The following IGF2R variants were observed in gnomAD, a reference collection of about 807,000 sequenced individuals.
The protein encoded by IGF2R is insulin like growth factor 2 receptor, also known as cation-independent mannose-6-phosphate receptor.
IGF2R carries 91 observed loss-of-function variants against 270.6 expected under a neutral mutation model. The ratio of observed to expected loss-of-function variants is 0.34; its 90% CI spans 0.28 to 0.40. The LOEUF (loss-of-function observed/expected upper bound fraction) is 0.40. IGF2R is among the 10% of genes least tolerant of loss of function. The pLI is 1.00. For synonymous variants in IGF2R, 1,316 were observed against 1,258.9 expected (o/e 1.05, Z -0.96); for missense variants, 2,805 against 3,188.3 (o/e 0.88, Z 2.90).
intron 36 of IGF2R, 105 bp downstream of exon 36, chr6:160,076,101 A>C: frequency 8.8e-7 from 1 of 1,139,030 alleles, no homozygotes; most frequent in Non-Finnish European, 1.3e-6. Flanking sequence ...CTTATTCAAA[A>C]TGTCTGCCTT....
chr6:160,041,114 C>T lies in IGF2R; in HGVS notation c.1480+390C>T, dbSNP rs73596468. Among the ~76,000 whole-genome samples the T allele has an allele frequency of 2.9e-3, 444 of 152,222 alleles. 1 individual carries two copies. In the Middle Eastern group the frequency reaches 0.044, roughly 15 times the overall value. ...ACTCGAGGCTGAGCTTGCTGTTGCACGGCAGGCACCGGATGAGGTGCCAAG... is the reference window on the plus strand; with the variant it reads ...ACTCGAGGCTGAGCTTGCTGTTGCATGGCAGGCACCGGATGAGGTGCCAAG... On this transcript the variant is annotated intron_variant, in intron 11 of 47. Transcript: ENST00000356956.
chr6:159,988,175 A>G (rs1238411169), intron 1 of IGF2R, among the ~76,000 whole-genome samples: 1 of 152,112 alleles, frequency 6.6e-6, no homozygotes, highest in Non-Finnish European at 1.5e-5. Flanking sequence ...CACACTCTTT[A>G]CCTTATTTAG....
intron 2 of IGF2R, among the ~76,000 whole-genome samples, chr6:160,000,630 G>A (rs1044305069): frequency 1.3e-5 from 2 of 152,034 alleles, no homozygotes; most frequent in African/African-American, 4.8e-5. Flanking sequence ...ATAGAGTGCT[G>A]GCAAGGAGCC....
intron 4 of IGF2R, among the ~76,000 whole-genome samples, chr6:160,021,665 A>C (rs1413339178): frequency 2.0e-5 from 3 of 152,016 alleles, no homozygotes; most frequent in East Asian, 1.9e-4. Flanking sequence ...ATAAAAAAAA[A>C]CCCCACAATG....
At chr6:159,976,411 A>G (rs1191124718) in intron 1 of IGF2R, among the ~76,000 whole-genome samples, 4 of 152,000 alleles carry the variant, frequency 2.6e-5, no homozygotes, top group African/African-American at 4.8e-5. Flanking sequence ...CTAAAGACTT[A>G]TTTACCTTTT....
chr6:160,104,968 G>A lies in IGF2R; in HGVS notation c.7360G>A (p.Val2454Ile). The A allele has an allele frequency of 1.2e-6, 2 of 1,614,112 alleles. No individual in the cohort carries two copies. The highest frequency in any genetic ancestry group is 1.7e-6 in the Non-Finnish European group (2 of 1,180,028). ...QEREDDRVGLVRGEKARKGKS... is the reference protein window; with the variant it reads ...QEREDDRVGLIRGEKARKGKS... ...GCGTGAGGACGATAGGGTGGGGCTGGTCAGGGGTGAGAAGGCGAGGAAAGG... is the reference window on the plus strand; with the variant it reads ...GCGTGAGGACGATAGGGTGGGGCTGATCAGGGGTGAGAAGGCGAGGAAAGG... Residue 2454 changes from valine to isoleucine, a missense_variant, in exon 48 of 48, where the codon GTC (valine) becomes ATC (isoleucine). Coordinates refer to ENST00000356956, the MANE Select transcript of IGF2R (RefSeq NM_000876.4).
intron 11 of IGF2R, among the ~76,000 whole-genome samples, chr6:160,041,800 C>A (rs1447017959): frequency 6.6e-6 from 1 of 152,124 alleles, no homozygotes; most frequent in Non-Finnish European, 1.5e-5. Flanking sequence ...GGAACGGTGC[C>A]ATAGTTAATT....
intron 22 of IGF2R, among the ~76,000 whole-genome samples, 185 bp from the exon 23 acceptor site, chr6:160,060,362 G>T (rs373185476): frequency 2.0e-5 from 3 of 152,264 alleles, no homozygotes; most frequent in Non-Finnish European, 4.4e-5. Context: ...CTGTTGTAGC[G>T]AGTGTGACCA....
intron 35 of IGF2R, 55 bp downstream of exon 35, chr6:160,074,030 A>G (rs2115276617): frequency 1.5e-6 from 2 of 1,291,098 alleles, no homozygotes; most frequent in Non-Finnish European, 2.2e-6. Flanking sequence ...TTTAGTGATA[A>G]CCTTTGCGTT....
intron 2 of IGF2R, among the ~76,000 whole-genome samples, chr6:159,997,387 C>A (rs1463676512): frequency 6.6e-6 from 1 of 152,160 alleles, no homozygotes; most frequent in African/African-American, 2.4e-5. Flanking sequence ...CCCAGGCAGT[C>A]CTCCCACTGC....
chr6:160,011,901 A>G (rs999528333), intron 4 of IGF2R, among the ~76,000 whole-genome samples: 3 of 152,192 alleles, frequency 2.0e-5, no homozygotes, highest in African/African-American at 7.2e-5. Flanking sequence ...AGAACTTTCA[A>G]AGGTTGTAAG....
intron 38 of IGF2R, 119 bp from the exon 39 acceptor site, chr6:160,080,010 C>T (rs1035076454): frequency 1.6e-5 from 20 of 1,253,114 alleles, no homozygotes; most frequent in East Asian, 9.3e-5. Context: ...AGGTGAATGC[C>T]GGTTGTCACG....
At chr6:160,035,261 C>G (rs1777792292) in intron 10 of IGF2R, among the ~76,000 whole-genome samples, 1 of 152,160 alleles carries the variant, frequency 6.6e-6, no homozygotes, top group Admixed American at 6.5e-5. Flanking sequence ...GCTGCCCCAC[C>G]CAGAGGGTCT....
At chr6:160,054,569 G>C (rs1778269838) in intron 19 of IGF2R, among the ~76,000 whole-genome samples, 1 of 152,178 alleles carries the variant, frequency 6.6e-6, no homozygotes, top group African/African-American at 2.4e-5. Flanking sequence ...TTAGCACTTA[G>C]GGAAGAAAGC....
chr6:159,999,788 A>G (rs1349427897), intron 2 of IGF2R, among the ~76,000 whole-genome samples: 1 of 152,184 alleles, frequency 6.6e-6, no homozygotes, highest in Non-Finnish European at 1.5e-5. Context: ...TAGATCACAT[A>G]CTGAAATTAC....
At chr6:159,980,182 A>AG (rs1417771024) in intron 1 of IGF2R, among the ~76,000 whole-genome samples, 1 of 113,016 alleles carries the variant, frequency 8.8e-6, no homozygotes, top group African/African-American at 3.2e-5. Flanking sequence ...CTCCGTCTCA[A>AG]AAAAGAAAGA....
rs1027770969 is a variant in IGF2R, at chr6:160,002,282, T to C, written c.290-6728T>C. On this transcript the variant is annotated intron_variant, in intron 2 of 47. Transcript: ENST00000356956. ...GGTGCATGCCTGTAGTCCCAACTAC[T>C]TGGGAGGCTGAGGCAGGAGGATTGC... Among the ~76,000 whole-genome samples, 9 of 152,064 alleles carry C rather than the reference T, an allele frequency of 5.9e-5. 1 individual carries two copies. The highest frequency in any genetic ancestry group is 2.2e-4 in the African/African-American group (9 of 41,400).
chr6:160,020,137 CAAT>C (rs1422364772), intron 4 of IGF2R, among the ~76,000 whole-genome samples: 1 of 151,446 alleles, frequency 6.6e-6, no homozygotes, highest in Non-Finnish European at 1.5e-5. Flanking sequence ...GTACAAGAAT[CAAT>C]AACATTTCTA....
chr6:160,027,340 G>C, intron 6 of IGF2R, 26 bp downstream of exon 6: 1 of 1,590,712 alleles, frequency 6.3e-7, no homozygotes, highest in Non-Finnish European at 8.6e-7. Context: ...CGATGCTGTT[G>C]GCGTTTTTAA....
Sources: allele counts gnomAD v4.1 joint callset (sites outside exome capture counted in the v4.1 genomes callset), GRCh38; gene constraint gnomAD v4.1.1; transcripts MANE v1.5; gene names NCBI Gene and HGNC (gene_info 2026-07-23, HGNC 2026-07-21).